FRMD4B: variants seen among roughly 807,000 people sequenced by gnomAD.
FRMD4B encodes the protein FERM domain-containing protein 4B.
FRMD4B carries 74 observed loss-of-function variants against 141.5 expected under a neutral mutation model. That is an observed-to-expected ratio of 0.52 (90% CI 0.43 to 0.63). FRMD4B has a LOEUF of 0.63. Ranked by LOEUF, FRMD4B falls within the 30% of genes least tolerant of loss-of-function variation. The probability of loss-of-function intolerance (pLI) is 0.00; values close to 1 mark genes in which losing one functional copy is unlikely to be tolerated. For synonymous variants in FRMD4B, 506 were observed against 467.9 expected, an observed-to-expected ratio of 1.08 and a Z score of -1.05; for missense variants, 1,366 against 1,253.4, an observed-to-expected ratio of 1.09 and a Z score of -1.36.
At chr3:69,186,920 A>G (rs2092774276) in intron 19 of FRMD4B, among the ~76,000 whole-genome samples, 2 of 152,348 alleles carry the variant, frequency 1.3e-5, no homozygotes, top group East Asian at 1.9e-4. Flanking sequence ...CATACAGCCA[A>G]GTTCTGGGAA....
rs1434179053 is a variant in FRMD4B, at chr3:69,181,159, C to G, written c.2591G>C (p.Arg864Pro). Residue 864 changes from arginine to proline, a missense_variant, in exon 21 of 23, where the codon CGG (arginine) becomes CCG (proline). Arg to Pro is a moderately radical substitution (Grantham distance 103, BLOSUM62 -2). Transcript: ENST00000398540. ...SRSFHEDEVDRVPHNPYATLR... is the reference protein window; with the variant it reads ...SRSFHEDEVDPVPHNPYATLR... ...AGTTGCATATGGGTTATGGGGTACC[C>G]GGTCGACCTCATCTTCGTGAAAGGA... 2 of 1,613,866 alleles carry G rather than the reference C, an allele frequency of 1.2e-6. No individual in the cohort carries two copies. The highest frequency in any genetic ancestry group is 1.7e-6 in the Non-Finnish European group (2 of 1,179,888).
intron 7 of FRMD4B, among the ~76,000 whole-genome samples, chr3:69,234,872 G>A (rs1432310013): frequency 6.6e-6 from 1 of 152,164 alleles, no homozygotes; most frequent in Non-Finnish European, 1.5e-5. Context: ...ATTTTGGCTA[G>A]GTGTGGTGGC....
rs143600159 is a variant in FRMD4B at position 69,253,152 on chromosome 3, C to T, written c.502-3053G>A. ...CAGAATCAAAGATAGTTTTGGGGCT[C>T]GCAAGGGAAATTAGTGAAAATATGA... On this transcript the variant is annotated intron_variant, in intron 5 of 22. Transcript: ENST00000398540. 1.9e-3 allele frequency among the ~76,000 whole-genome samples: 273 copies of T among 146,958 alleles called. 1 individual carries two copies. Among genetic ancestry groups the T allele is most frequent in the African/African-American group, 6.4e-3 (255 of 39,650 alleles).
At chr3:69,365,635 G>A (rs113402975) in intron 1 of FRMD4B, among the ~76,000 whole-genome samples, 33,148 of 151,564 alleles carry the variant, frequency 0.22, 4,561 homozygotes, top group African/African-American at 0.39. Context: ...TGAATAGCTG[G>A]GATTACATGC....
chr3:69,440,733 G>C (rs994820870), intron 1 of FRMD4B, among the ~76,000 whole-genome samples: 1 of 152,146 alleles, frequency 6.6e-6, no homozygotes, highest in South Asian at 2.1e-4. Flanking sequence ...GCTTGAACCT[G>C]GGAGGCAGAG....
At chr3:69,360,668 T>G (rs1300621902) in intron 1 of FRMD4B, among the ~76,000 whole-genome samples, 1 of 152,244 alleles carries the variant, frequency 6.6e-6, no homozygotes, top group Admixed American at 6.5e-5. Flanking sequence ...TAAGTTTTGC[T>G]GATTGCATTC....
intron 1 of FRMD4B, among the ~76,000 whole-genome samples, chr3:69,330,580 C>T (rs888386154): frequency 6.6e-6 from 1 of 151,338 alleles, no homozygotes; most frequent in Non-Finnish European, 1.5e-5. Context: ...CTCCTGACCT[C>T]GTGATCTGCC....
At chr3:69,475,812 A>C (rs1705986098) in intron 1 of FRMD4B, among the ~76,000 whole-genome samples, 1 of 151,712 alleles carries the variant, frequency 6.6e-6, no homozygotes, top group Non-Finnish European at 1.5e-5. Flanking sequence ...ACTAGTTTAC[A>C]TTCCCACCAA....
In FRMD4B at chr3:69,182,138, C is replaced by T. The variant is rs564420155; in HGVS notation, c.2040-428G>A. 5.3e-5 allele frequency among the ~76,000 whole-genome samples: 8 copies of T among 152,326 alleles called. No individual in the cohort carries two copies. In the South Asian group the frequency reaches 1.7e-3, roughly 32 times the overall value. On this transcript the variant is annotated intron_variant, in intron 20 of 22. Coordinates refer to ENST00000398540, the MANE Select transcript of FRMD4B (RefSeq NM_015123.3). Reference sequence around the variant, plus strand: ...GTGGCTGGGCTGAGTCATGGCACTGCTATTTCCCAGCTGTATGAGCTCAGG... The same window carrying T: ...GTGGCTGGGCTGAGTCATGGCACTGTTATTTCCCAGCTGTATGAGCTCAGG...
chr3:69,175,080 A>G (rs1289614388), intron 22 of FRMD4B, among the ~76,000 whole-genome samples: 1 of 152,184 alleles, frequency 6.6e-6, no homozygotes, highest in Non-Finnish European at 1.5e-5. Context: ...GGAAAAAAAA[A>G]GGCATTTGGG....
intron 1 of FRMD4B, among the ~76,000 whole-genome samples, chr3:69,338,287 T>A (rs537692575): frequency 6.6e-6 from 1 of 152,082 alleles, no homozygotes; most frequent in South Asian, 2.1e-4. Flanking sequence ...ACGGGGAACA[T>A]CACACTCTGG....
intron 4 of FRMD4B, among the ~76,000 whole-genome samples, chr3:69,297,049 T>C (rs1701056915): frequency 6.6e-6 from 1 of 152,198 alleles, no homozygotes; most frequent in African/African-American, 2.4e-5. Context: ...TCACCTAGAA[T>C]ATATTGGGAG....
In FRMD4B at chr3:69,323,604, C is replaced by G. The variant is rs868386886; in HGVS notation, c.163-10087G>C. 4.0e-4 allele frequency among the ~76,000 whole-genome samples: 41 copies of G among 103,262 alleles called. 1 individual carries two copies. The South Asian group carries it at 9.6e-3, about 24-fold the overall frequency. The allele number at this position is 103,262 out of a possible 152,430, so 67.7% of individuals were successfully genotyped here. On this transcript the variant is annotated intron_variant, in intron 1 of 22. Coordinates refer to ENST00000398540, the MANE Select transcript of FRMD4B (RefSeq NM_015123.3). Reference sequence around the variant, plus strand: ...AAAACCCAACTCTCTCTCTCTCTCTCTGTGTATATATATATATATATATAT... The same window carrying G: ...AAAACCCAACTCTCTCTCTCTCTCTGTGTGTATATATATATATATATATAT...
intron 1 of FRMD4B, among the ~76,000 whole-genome samples, chr3:69,506,144 A>G (rs1024346569): frequency 2.0e-5 from 3 of 152,146 alleles, no homozygotes; most frequent in Non-Finnish European, 2.9e-5. Flanking sequence ...CATTCTTTGT[A>G]CAAAGACCAT....
At chr3:69,526,250 T>G (rs1700929750) in intron 1 of FRMD4B, among the ~76,000 whole-genome samples, 1 of 152,148 alleles carries the variant, frequency 6.6e-6, no homozygotes, top group African/African-American at 2.4e-5. Context: ...GATGGGAAAA[T>G]TCAGAGGTAC....
At chr3:69,462,806 A>G (rs766159656) in intron 1 of FRMD4B, among the ~76,000 whole-genome samples, 1 of 152,230 alleles carries the variant, frequency 6.6e-6, no homozygotes, top group East Asian at 1.9e-4. Context: ...CTGGCCTCTC[A>G]GGGAAATGAC....
At chr3:69,222,795 A>G (rs2093209731) in intron 8 of FRMD4B, among the ~76,000 whole-genome samples, 1 of 67,586 alleles carries the variant, frequency 1.5e-5, no homozygotes, top group Admixed American at 1.5e-4. Flanking sequence ...TTAATTTACT[A>G]GAAAAGGAAA....
chr3:69,481,522 A>G (rs1189336150), intron 1 of FRMD4B, among the ~76,000 whole-genome samples: 1 of 152,148 alleles, frequency 6.6e-6, no homozygotes, highest in Non-Finnish European at 1.5e-5. Context: ...GGCTATTTTG[A>G]TATTTCACGT....
chr3:69,311,307 G>T lies in FRMD4B; in HGVS notation c.279C>A (p.Asn93Lys). 6.3e-7 allele frequency: 1 copy of T among 1,598,470 alleles called. No individual in the cohort carries two copies. The highest frequency in any genetic ancestry group is 8.6e-7 in the Non-Finnish European group (1 of 1,166,454). The change falls in exon 3 of 23, where the codon AAC (asparagine) becomes AAA (lysine). Residue 93 changes from asparagine to lysine, a missense_variant. Asn to Lys is a moderately conservative substitution (Grantham distance 94). Transcript: ENST00000398540. ...TTCCAAAATACTCCTTTTCTTTCAG[G>T]TTGAAATGTGAAGCCACTAGGTCCA... ...ELLDLVASHF[N>K]LKEKEYFGIT...
Sources: allele counts gnomAD v4.1 joint callset (sites outside exome capture counted in the v4.1 genomes callset), GRCh38; gene constraint gnomAD v4.1.1; transcripts MANE v1.5; gene names NCBI Gene and HGNC (gene_info 2026-07-23, HGNC 2026-07-21).